JADE2: variants seen among roughly 807,000 people sequenced by gnomAD.
The protein encoded by JADE2 is E3 ubiquitin-protein ligase Jade-2.
In JADE2, 13 loss-of-function variants were observed where a neutral mutation model predicts 85.7. The ratio of observed to expected loss-of-function variants is 0.15; its 90% CI spans 0.10 to 0.24. JADE2 has a LOEUF of 0.24. Among genes scored for constraint, JADE2 ranks in the 10% least tolerant of loss-of-function variants. The pLI is 1.00. For synonymous variants in JADE2, 440 were observed against 456.1 expected (o/e 0.96, Z 0.45); for missense variants, 846 against 1,115.9 (o/e 0.76, Z 3.45).
rs372627663 is a variant in JADE2 at position 134,566,418 on chromosome 5, C to T, written c.1272C>T (p.Val424=). The change falls in exon 9 of 12, where the codon GTC becomes GTT. Residue 424 remains valine, a synonymous_variant. Coordinates refer to ENST00000681547, the MANE Select transcript of JADE2 (RefSeq NM_001388185.1). This position sits in a 1 kb window ranked among gnomAD's most constrained non-coding sequence, Gnocchi z 6.7. ...AERLDLAEAL[V]DFIYQYWKLK... ...GGCTGGACCTGGCTGAGGCACTGGTCGACTTCATCTACCAGTACTGGAAGC... is the reference window on the plus strand; with the variant it reads ...GGCTGGACCTGGCTGAGGCACTGGTTGACTTCATCTACCAGTACTGGAAGC... 4 of 1,613,792 alleles carry T rather than the reference C, an allele frequency of 2.5e-6. No homozygotes were observed. Among genetic ancestry groups the T allele is most frequent in the Non-Finnish European group, 2.5e-6 (3 of 1,179,968 alleles).
At chr5:134,531,232 C>G (rs143963087) in intron 1 of JADE2, among the ~76,000 whole-genome samples, 151 of 152,174 alleles carry the variant, frequency 9.9e-4, no homozygotes, top group African/African-American at 3.5e-3. Context: ...GAATATTTGG[C>G]TTGTTCAAAG....
intron 4 of JADE2, among the ~76,000 whole-genome samples, chr5:134,557,190 T>C (rs72798658): frequency 0.05 from 7,565 of 151,750 alleles, 417 homozygotes; most frequent in South Asian, 0.25. Flanking sequence ...GTAGGTATTA[T>C]TATTGTTGTT....
intron 3 of JADE2, among the ~76,000 whole-genome samples, chr5:134,545,413 T>G (rs1378287927): frequency 6.6e-6 from 1 of 151,700 alleles, no homozygotes; most frequent in Non-Finnish European, 1.5e-5. Flanking sequence ...GAGTGGGGTT[T>G]TTTTTTTTTT....
In JADE2 at chr5:134,578,782, A is replaced by T. The variant is rs1256251867; in HGVS notation, c.1970A>T (p.Asp657Val). The change falls in exon 12 of 12, where the codon GAC becomes GTC. Residue 657 changes from aspartate to valine, a missense_variant. Asp to Val is a radical substitution (Grantham distance 152). Transcript: ENST00000681547. The surrounding 1 kb of genome is among the most constrained non-coding windows in gnomAD (Gnocchi z 4.4). ...KKKPPPPPPQ[D>V]GPGSRTTPDK... is the part of the protein sequence containing the mutation. ...AAACCACCACCACCACCACCGCAGG[A>T]CGGGCCTGGTTCACGGACGACTCCA... 2 of 1,613,626 alleles carry T rather than the reference A, an allele frequency of 1.2e-6. No homozygotes were observed. Among genetic ancestry groups the T allele is most frequent in the African/African-American group, 2.7e-5 (2 of 74,906 alleles).
chr5:134,552,244 G>C, intron 4 of JADE2, 35 bp downstream of exon 4: 2 of 1,590,822 alleles, frequency 1.3e-6, no homozygotes, highest in Non-Finnish European at 1.7e-6. Context: ...GGGCCATTGG[G>C]ACAGGGGAGG....
At chr5:134,561,779 G>A (rs1324821664) in intron 6 of JADE2, among the ~76,000 whole-genome samples, 2 of 152,196 alleles carry the variant, frequency 1.3e-5, no homozygotes, top group Non-Finnish European at 2.9e-5. Flanking sequence ...AAGCCATAGA[G>A]GGGTGCAACC....
At chr5:134,548,233 A>C (rs1203921605) in intron 3 of JADE2, among the ~76,000 whole-genome samples, 1 of 151,666 alleles carries the variant, frequency 6.6e-6, no homozygotes, top group African/African-American at 2.4e-5. Flanking sequence ...TGGAGAAGTC[A>C]CCTGATTTGG....
At chr5:134,548,077 G>A (rs1762393774) in intron 3 of JADE2, among the ~76,000 whole-genome samples, 1 of 152,232 alleles carries the variant, frequency 6.6e-6, no homozygotes, top group Admixed American at 6.5e-5. Context: ...GGTTAAATGT[G>A]CTTGGGAGAC....
chr5:134,546,158 GTTT>G (rs1762284097), intron 3 of JADE2, among the ~76,000 whole-genome samples: 1 of 88,546 alleles, frequency 1.1e-5, no homozygotes, highest in South Asian at 4.2e-4. Context: ...TTGTTTTTTT[GTTT>G]GTTTGTTTGT....
chr5:134,543,266 G>A (rs1249853862), intron 3 of JADE2, among the ~76,000 whole-genome samples: 9 of 151,188 alleles, frequency 6.0e-5, no homozygotes, highest in Non-Finnish European at 1.0e-4. Context: ...ACCTGCCCTC[G>A]TGATCCGCCC....
At chr5:134,550,296 G>A (rs895089954) in intron 3 of JADE2, among the ~76,000 whole-genome samples, 2 of 152,136 alleles carry the variant, frequency 1.3e-5, no homozygotes, top group African/African-American at 2.4e-5. Context: ...AGATGCAGAC[G>A]TTAATTAGAT....
Position 134,538,099 on chromosome 5 carries a change from C to G in JADE2, c.153+16C>G, listed in dbSNP as rs1361418924. The G allele has an allele frequency of 6.3e-7, 1 of 1,591,396 alleles. No homozygotes were observed. The highest frequency in any genetic ancestry group is 8.6e-7 in the Non-Finnish European group (1 of 1,159,474). Reference sequence around the variant, plus strand: ...GCCCTCCGAGGTGGGTAGTGATGAGCTTCCCAGAGATCTGTGGGGAGTGAG... The same window carrying G: ...GCCCTCCGAGGTGGGTAGTGATGAGGTTCCCAGAGATCTGTGGGGAGTGAG... On this transcript the variant is annotated intron_variant, in intron 3 of 11. Transcript: ENST00000681547.
In JADE2 at chr5:134,578,839, A is replaced by G; in HGVS notation, c.2027A>G (p.Asp676Gly). ...DKAPKKTWGQDAGSGKGGQGP... is the reference protein window; with the variant it reads ...DKAPKKTWGQGAGSGKGGQGP... Reference sequence around the variant, plus strand: ...GCCCCCAAGAAGACCTGGGGCCAGGATGCAGGCAGTGGCAAGGGGGGTCAA... The same window carrying G: ...GCCCCCAAGAAGACCTGGGGCCAGGGTGCAGGCAGTGGCAAGGGGGGTCAA... The change falls in exon 12 of 12, where the codon GAT becomes GGT. Residue 676 changes from aspartate (D) to glycine (G), a missense_variant. Physicochemically the swap from Asp to Gly is moderately conservative, Grantham distance 94. Around this residue, in one of 9 missense-constraint regions of JADE2, gnomAD observed 300 missense variants for 300.7 expected, o/e 1.00. Transcript: ENST00000681547. The surrounding 1 kb of genome is among the most constrained non-coding windows in gnomAD (Gnocchi z 4.4). 6.2e-7 allele frequency: 1 copy of G among 1,613,756 alleles called. No homozygotes were observed. Among genetic ancestry groups the G allele is most frequent in the South Asian group, 1.1e-5 (1 of 91,080 alleles).
rs766929005 is a variant in JADE2 at position 134,578,826 on chromosome 5, A to T, written c.2014A>T (p.Thr672Ser). 3.1e-6 allele frequency: 5 copies of T among 1,613,680 alleles called. No individual in the cohort carries two copies. In the African/African-American group the frequency reaches 5.3e-5, roughly 17 times the overall value. Residue 672 changes from threonine to serine, a missense_variant, in exon 12 of 12, where the codon ACC (threonine) becomes TCC (serine). By Grantham distance (58) the Thr-to-Ser change is moderately conservative. Coordinates refer to ENST00000681547, the MANE Select transcript of JADE2 (RefSeq NM_001388185.1). The surrounding 1 kb of genome is among the most constrained non-coding windows in gnomAD (Gnocchi z 4.4). ...GACTCCAGACAAAGCCCCCAAGAAG[A>T]CCTGGGGCCAGGATGCAGGCAGTGG... ...RTTPDKAPKK[T>S]WGQDAGSGKG... is the part of the protein sequence containing the mutation.
chr5:134,551,966 G>A, intron 3 of JADE2, 86 bp from the exon 4 acceptor site: 2 of 1,237,314 alleles, frequency 1.6e-6, no homozygotes, highest in Non-Finnish European at 2.4e-6. Context: ...CACTTGAGTT[G>A]CATGTATCTG....
Position 134,526,883 on chromosome 5 carries a change from G to A in JADE2, c.-1+872G>A, listed in dbSNP as rs977456428. On this transcript the variant is annotated intron_variant, in intron 1 of 11. Coordinates refer to ENST00000681547, the MANE Select transcript of JADE2 (RefSeq NM_001388185.1). ...GCGCTGGGAGAGTGGAAATGTACCG[G>A]CGGCGGCCGGAGCGGCGGGTGCGCG... The A allele has an allele frequency of 4.5e-5, 27 of 605,490 alleles. 1 individual carries two copies. The South Asian group carries it at 1.7e-3, about 39-fold the overall frequency. The allele number at this position is 605,490 out of a possible 1,614,324, so 37.5% of individuals were successfully genotyped here.
chr5:134,544,819 C>T lies in JADE2; in HGVS notation c.153+6736C>T, dbSNP rs540469243. The stretch of plus-strand genomic sequence containing the variant: ...ATATGGAGTGCCACCCCCCACTCCC[C>T]CAAAAAACACAGCGAGTGGAGATGC... On this transcript the variant is annotated intron_variant, in intron 3 of 11. Transcript: ENST00000681547. 1.2e-4 allele frequency among the ~76,000 whole-genome samples: 19 copies of T among 152,178 alleles called. No individual in the cohort carries two copies. In the South Asian group the frequency reaches 2.7e-3, roughly 22 times the overall value.
chr5:134,573,501 G>T (rs1581481770), intron 9 of JADE2, 144 bp from the exon 10 acceptor site: 9 of 703,286 alleles, frequency 1.3e-5, no homozygotes, highest in Non-Finnish European at 2.0e-5. Context: ...TCTGGGAATT[G>T]TTTTGCAGAT....
At chr5:134,554,297 G>A (rs768373515) in intron 4 of JADE2, among the ~76,000 whole-genome samples, 3 of 152,156 alleles carry the variant, frequency 2.0e-5, no homozygotes, top group Non-Finnish European at 2.9e-5. Flanking sequence ...CGGAGAATCA[G>A]GGGTGCCCCA....
Sources: allele counts gnomAD v4.1 joint callset (sites outside exome capture counted in the v4.1 genomes callset), GRCh38; gene constraint gnomAD v4.1.1; regional missense constraint gnomAD v4.1.1; non-coding constraint Gnocchi (gnomAD v3.1); transcripts MANE v1.5; gene names NCBI Gene and HGNC (gene_info 2026-07-23, HGNC 2026-07-21).